The following NDST3 variants were observed in gnomAD, a reference collection of about 807,000 sequenced individuals.
NDST3 encodes bifunctional heparan sulfate N-deacetylase/N-sulfotransferase 3.
In NDST3, 58 loss-of-function variants were observed where a neutral mutation model predicts 96.1. The ratio of observed to expected loss-of-function variants is 0.60; its 90% CI spans 0.49 to 0.75. The LOEUF is 0.75. Among genes scored for constraint, NDST3 ranks in the 30% least tolerant of loss-of-function variants. The pLI is 0.00. For missense variants in NDST3, 788 were observed against 1,034.2 expected (o/e 0.76, Z 3.27); for synonymous variants, 333 against 359.7 (o/e 0.93, Z 0.84).
chr4:118,098,629 G>A (rs2125841966), intron 2 of NDST3, among the ~76,000 whole-genome samples: 1 of 152,160 alleles, frequency 6.6e-6, no homozygotes, highest in South Asian at 2.1e-4. Flanking sequence ...GTATGTAACA[G>A]AAGTAACTCA....
chr4:118,254,754 G>A (rs1172786429), intron 13 of NDST3, among the ~76,000 whole-genome samples: 1 of 152,182 alleles, frequency 6.6e-6, no homozygotes, highest in African/African-American at 2.4e-5. Context: ...AAGATGGTCT[G>A]AGGATCCTAA....
At chr4:118,094,051 C>T (rs922648083) in intron 2 of NDST3, among the ~76,000 whole-genome samples, 1 of 151,754 alleles carries the variant, frequency 6.6e-6, no homozygotes. Context: ...CATGAGAGCT[C>T]CACTGTCATG....
chr4:118,133,505 T>C (rs1435663211), intron 4 of NDST3, among the ~76,000 whole-genome samples: 1 of 152,190 alleles, frequency 6.6e-6, no homozygotes, highest in Non-Finnish European at 1.5e-5. Context: ...GCCATTTTCA[T>C]TAACTTTTAT....
At chr4:118,194,224 G>A in intron 6 of NDST3, 1 of 731,460 alleles carries the variant, frequency 1.4e-6, no homozygotes. Context: ...AGTCCTTGTA[G>A]CACCCTTCCA....
chr4:118,042,779 A>T (rs758211350), intron 1 of NDST3, among the ~76,000 whole-genome samples: 1 of 152,152 alleles, frequency 6.6e-6, no homozygotes, highest in Non-Finnish European at 1.5e-5. Context: ...CCATCCTCAT[A>T]TCCAAACCCA....
chr4:118,103,365 G>T (rs1012750990), intron 2 of NDST3, among the ~76,000 whole-genome samples: 6 of 152,070 alleles, frequency 3.9e-5, no homozygotes, highest in Admixed American at 3.9e-4. Context: ...TAGGAAGGGT[G>T]GGCTAGAATG....
chr4:118,241,933 C>T lies in NDST3; in HGVS notation c.2290-107C>T, dbSNP rs180835501. On this transcript the variant is annotated intron_variant, in intron 11 of 13. Coordinates refer to ENST00000296499, the MANE Select transcript of NDST3 (RefSeq NM_004784.3). ...CTATCTAACACCAATGCATGCAATT[C>T]TGCTCAGGACAGTGTCTCTCACTGA... 103 of 691,560 alleles carry T rather than the reference C, an allele frequency of 1.5e-4. No individual in the cohort carries two copies. The Middle Eastern group carries it at 2.8e-3, about 19-fold the overall frequency. The allele number at this position is 691,560 out of a possible 1,614,324, so 42.8% of individuals were successfully genotyped here. A position where few individuals can be genotyped will look rare whatever the true frequency, so the allele number is the denominator to read the frequency against.
At chr4:118,239,116 T>G (rs1740861323) in intron 10 of NDST3, among the ~76,000 whole-genome samples, 1 of 152,240 alleles carries the variant, frequency 6.6e-6, no homozygotes, top group Non-Finnish European at 1.5e-5. Flanking sequence ...TGTGTTAAAG[T>G]GACCCACATA....
chr4:118,203,072 A>T (rs1473990606), intron 6 of NDST3, among the ~76,000 whole-genome samples: 1 of 152,114 alleles, frequency 6.6e-6, no homozygotes, highest in Non-Finnish European at 1.5e-5. Flanking sequence ...TGAGAAGATA[A>T]TTTCATTTTT....
chr4:118,073,876 C>T (rs1397369930), intron 2 of NDST3, among the ~76,000 whole-genome samples: 2 of 151,826 alleles, frequency 1.3e-5, no homozygotes, highest in South Asian at 2.1e-4. Context: ...TGTGATGTTA[C>T]ATTTAAGATA....
At chr4:118,175,893 C>T (rs1736250115) in intron 6 of NDST3, among the ~76,000 whole-genome samples, 1 of 152,166 alleles carries the variant, frequency 6.6e-6, no homozygotes, top group South Asian at 2.1e-4. Context: ...TCCATGTTTA[C>T]AATTGTTTGT....
chr4:118,122,314 T>C (rs966363962), intron 4 of NDST3, among the ~76,000 whole-genome samples: 18 of 152,288 alleles, frequency 1.2e-4, no homozygotes, highest in African/African-American at 3.8e-4. Context: ...GCCTTTCATT[T>C]ACTTAAGATG....
At chr4:118,087,246 G>A (rs1728497594) in intron 2 of NDST3, among the ~76,000 whole-genome samples, 1 of 152,108 alleles carries the variant, frequency 6.6e-6, no homozygotes, top group Admixed American at 6.6e-5. Flanking sequence ...TAGATGATAT[G>A]TAAAAGGACA....
intron 7 of NDST3, among the ~76,000 whole-genome samples, chr4:118,224,999 T>C (rs4546315): frequency 0.17 from 25,796 of 152,072 alleles, 2,340 homozygotes; most frequent in South Asian, 0.23. Context: ...AACAGGTCGT[T>C]TGTTAGACAG....
intron 3 of NDST3, among the ~76,000 whole-genome samples, chr4:118,109,418 A>G (rs574513447): frequency 6.6e-6 from 1 of 152,276 alleles, no homozygotes; most frequent in Non-Finnish European, 1.5e-5. Flanking sequence ...TTTTTTGCCC[A>G]TCGTTGAATA....
rs1401403017 is a variant in NDST3 at position 118,237,236 on chromosome 4, AT to A, written c.2118+17del. The A allele has an allele frequency of 6.3e-7, 1 of 1,589,958 alleles. No individual in the cohort carries two copies. The highest frequency in any genetic ancestry group is 2.3e-5 in the East Asian group (1 of 43,992). Reference sequence around the variant, plus strand: ...CTGGTACCAGGTAAGGAAAATGCAAATAAAATCCAACAGGGAGAAGTGGAGT... The same window carrying A: ...CTGGTACCAGGTAAGGAAAATGCAAAAAAATCCAACAGGGAGAAGTGGAGT... On this transcript the variant is annotated intron_variant, in intron 10 of 13. Coordinates refer to ENST00000296499, the MANE Select transcript of NDST3 (RefSeq NM_004784.3).
In NDST3 at chr4:118,047,385, C is replaced by T. The variant is rs1724832071; in HGVS notation, c.-155-6371C>T. 2.0e-5 allele frequency among the ~76,000 whole-genome samples: 3 copies of T among 152,284 alleles called. No homozygotes were observed. The South Asian group carries it at 6.2e-4, about 32-fold the overall frequency. On this transcript the variant is annotated intron_variant, in intron 1 of 13. Transcript: ENST00000296499. ...ATCTCCAGATGAATCCACTAGCTCCCCAGCAGTGGTTCTCAACCAGTCTGA... is the reference window on the plus strand; with the variant it reads ...ATCTCCAGATGAATCCACTAGCTCCTCAGCAGTGGTTCTCAACCAGTCTGA...
intron 6 of NDST3, among the ~76,000 whole-genome samples, chr4:118,221,643 G>GT (rs1659061386): frequency 6.6e-6 from 1 of 152,004 alleles, no homozygotes; most frequent in Non-Finnish European, 1.5e-5. Context: ...TTGACAAACA[G>GT]TATCTGTTTC....
At chr4:118,161,252 C>T (rs1735101774) in intron 6 of NDST3, among the ~76,000 whole-genome samples, 1 of 152,154 alleles carries the variant, frequency 6.6e-6, no homozygotes, top group Non-Finnish European at 1.5e-5. Context: ...GAGGAGTACC[C>T]GGCCGTGTGA....
Sources: gnomAD v4.1 joint callset for allele counts (sites outside exome capture counted in the v4.1 genomes callset) on GRCh38, gnomAD v4.1.1 for gene constraint, MANE v1.5 for transcripts, NCBI Gene and HGNC (gene_info 2026-07-23, HGNC 2026-07-21) for gene names.